SERAC1: variants seen among roughly 807,000 people sequenced by gnomAD.
SERAC1 encodes serine active site containing 1.
In SERAC1, 36 loss-of-function variants were observed where a neutral mutation model predicts 85.7. The ratio of observed to expected loss-of-function variants is 0.42; its 90% CI spans 0.32 to 0.55. The LOEUF is 0.55. Among genes scored for constraint, SERAC1 ranks in the 20% least tolerant of loss-of-function variants. The probability of loss-of-function intolerance (pLI) is 0.11; values close to 1 mark genes in which losing one functional copy is unlikely to be tolerated. For synonymous variants in SERAC1, 242 were observed against 265.3 expected (o/e 0.91, Z 0.85); for missense variants, 629 against 796.2 (o/e 0.79, Z 2.53).
At chr6:158,154,222 A>G (rs964851007) in intron 3 of SERAC1, among the ~76,000 whole-genome samples, 1 of 151,896 alleles carries the variant, frequency 6.6e-6, no homozygotes, top group African/African-American at 2.4e-5. Flanking sequence ...ACAGCCAACA[A>G]AAGGGGTAAA....
chr6:158,138,062 ACACATATG>A (rs1784835055), intron 8 of SERAC1, among the ~76,000 whole-genome samples: 1 of 152,130 alleles, frequency 6.6e-6, no homozygotes, highest in Non-Finnish European at 1.5e-5. Context: ...GAACACACAC[ACACATATG>A]CACAAGGCCA....
intron 3 of SERAC1, among the ~76,000 whole-genome samples, chr6:158,153,956 C>A (rs184525483): frequency 6.6e-6 from 1 of 151,792 alleles, no homozygotes; most frequent in Admixed American, 6.6e-5. Flanking sequence ...CATGGCAAGA[C>A]CCCGTCTCTA....
chr6:158,117,892 A>G lies in SERAC1; in HGVS notation c.1309-71T>C, dbSNP rs1784330300. On this transcript the variant is annotated intron_variant, in intron 12 of 16. Transcript: ENST00000647468. The surrounding 1 kb of genome is among the most constrained non-coding windows in gnomAD (Gnocchi z 4.3). Reference sequence around the variant, plus strand: ...ACTGCAATTACTGCCTAGTAAATCAAATTTATAACTAAAGGCCTCTTGCAC... The same window carrying G: ...ACTGCAATTACTGCCTAGTAAATCAGATTTATAACTAAAGGCCTCTTGCAC... The G allele has an allele frequency of 1.2e-5, 14 of 1,199,998 alleles. No homozygotes were observed. Among genetic ancestry groups the G allele is most frequent in the Non-Finnish European group, 1.6e-5 (13 of 818,180 alleles). 74.3% of individuals were successfully genotyped at this position (1,199,998 alleles called of 1,614,324 possible). A position where few individuals can be genotyped will look rare whatever the true frequency, so the allele number is the denominator to read the frequency against.
chr6:158,136,780 C>T (rs1784803940), intron 8 of SERAC1, among the ~76,000 whole-genome samples: 2 of 152,156 alleles, frequency 1.3e-5, no homozygotes, highest in African/African-American at 4.8e-5. Context: ...ACTCTCTCCA[C>T]CCACCATGTC....
chr6:158,115,954 A>G (rs1016828423), intron 14 of SERAC1, among the ~76,000 whole-genome samples: 4 of 152,248 alleles, frequency 2.6e-5, no homozygotes, highest in African/African-American at 9.6e-5. Context: ...TGTCAAACCC[A>G]TATCCCTCTT....
At chr6:158,121,159 C>CTT (rs1053511119) in intron 10 of SERAC1, among the ~76,000 whole-genome samples, 1 of 151,746 alleles carries the variant, frequency 6.6e-6, no homozygotes, top group East Asian at 1.9e-4. Flanking sequence ...GTTTTTAAAA[C>CTT]TTTATATACA....
chr6:158,141,508 T>C (rs1784914604), intron 8 of SERAC1, among the ~76,000 whole-genome samples: 2 of 152,358 alleles, frequency 1.3e-5, no homozygotes, highest in Admixed American at 1.3e-4. Context: ...AAGGTAATTG[T>C]TCTGCTCCGT....
Position 158,117,437 on chromosome 6 carries a change from C to A in SERAC1, c.1403+290G>T. 1 of 1,362,478 alleles carries A rather than the reference C, an allele frequency of 7.3e-7. No individual in the cohort carries two copies. The highest frequency in any genetic ancestry group is 1.0e-6 in the Non-Finnish European group (1 of 1,001,010). The allele number at this position is 1,362,478 out of a possible 1,614,324, so 84.4% of individuals were successfully genotyped here. A position where few individuals can be genotyped will look rare whatever the true frequency, so the allele number is the denominator to read the frequency against. ...GAACAAAAAAACATCACTTTTACTT[C>A]TGATAGAAAAGGAGACTGCTAGACA... On this transcript the variant is annotated intron_variant, in intron 13 of 16. Transcript: ENST00000647468. The surrounding 1 kb of genome is among the most constrained non-coding windows in gnomAD (Gnocchi z 4.3).
At chr6:158,150,634 T>C (rs774596930) in intron 3 of SERAC1, 45 bp from the exon 4 acceptor site, 1 of 1,343,536 alleles carries the variant, frequency 7.4e-7, no homozygotes, top group African/African-American at 1.5e-5. Context: ...ACAATCAAAA[T>C]GTAACACAAG....
intron 10 of SERAC1, among the ~76,000 whole-genome samples, chr6:158,125,511 C>T (rs939209243): frequency 4.6e-5 from 7 of 151,982 alleles, no homozygotes; most frequent in Admixed American, 2.0e-4. Context: ...ATTACCCAGC[C>T]TCCAACATAC....
Position 158,120,410 on chromosome 6 carries a change from C to T in SERAC1, c.1166+15G>A. 6.2e-7 allele frequency: 1 copy of T among 1,606,328 alleles called. No homozygotes were observed. Among genetic ancestry groups the T allele is most frequent in the Non-Finnish European group, 8.5e-7 (1 of 1,175,166 alleles). ...TTTCCAAAGGGGACAAAGCAACTCTCTTCTGCTTCCTTACCTTGTTCGATA... is the reference window on the plus strand; with the variant it reads ...TTTCCAAAGGGGACAAAGCAACTCTTTTCTGCTTCCTTACCTTGTTCGATA... On this transcript the variant is annotated intron_variant, in intron 11 of 16. Coordinates refer to ENST00000647468, the MANE Select transcript of SERAC1 (RefSeq NM_032861.4). The surrounding 1 kb of genome is among the most constrained non-coding windows in gnomAD (Gnocchi z 4.4).
At position 158,111,423 on chromosome 6, in the gene SERAC1, C is replaced by T. The variant is rs1784141792; in HGVS notation, c.1908G>A (p.Leu636=). ...GAATGAATTGTAAAGTACGCTGGTA[C>T]AAAAAAGCATCCTTTTTCTTTGGCT... ...ICKPKKKDAF[L]YQRTLQFIRE... is the part of the protein sequence containing the mutation. The change falls in exon 17 of 17, where the codon TTG becomes TTA. Residue 636 remains leucine, a synonymous_variant. Transcript: ENST00000647468. 1 of 1,610,878 alleles carries T rather than the reference C, an allele frequency of 6.2e-7. No homozygotes were observed. The highest frequency in any genetic ancestry group is 1.3e-5 in the African/African-American group (1 of 74,830).
intron 10 of SERAC1, among the ~76,000 whole-genome samples, chr6:158,121,280 T>TA (rs1266795494): frequency 6.6e-6 from 1 of 152,144 alleles, no homozygotes; most frequent in African/African-American, 2.4e-5. Flanking sequence ...GAGGGCTCTG[T>TA]AAAAAACGTA....
Position 158,128,312 on chromosome 6 carries a change from A to G in SERAC1, c.853-42T>C, listed in dbSNP as rs1324963191. The G allele has an allele frequency of 5.0e-6, 8 of 1,601,120 alleles. No individual in the cohort carries two copies. The African/African-American group carries it at 6.7e-5, about 13-fold the overall frequency. On this transcript the variant is annotated intron_variant, in intron 9 of 16. Coordinates refer to ENST00000647468, the MANE Select transcript of SERAC1 (RefSeq NM_032861.4). ...ACAGAAGCTCCCTTGACATTGTACA[A>G]ATTCATGACGTGAGATGACACAGCC...
intron 13 of SERAC1, 156 bp from the exon 14 acceptor site, chr6:158,116,438 T>C: frequency 1.6e-6 from 1 of 613,172 alleles, no homozygotes. Flanking sequence ...TAATATAAAA[T>C]ACCCCTATTC....
At chr6:158,158,545 T>A (rs1358568046) in intron 1 of SERAC1, 181 bp from the exon 2 acceptor site, 3 of 495,968 alleles carry the variant, frequency 6.0e-6, no homozygotes. Context: ...AAGGGACTTA[T>A]TAGAATAATA....
chr6:158,154,976 C>T (rs960256434), intron 3 of SERAC1, among the ~76,000 whole-genome samples: 4 of 151,840 alleles, frequency 2.6e-5, no homozygotes, highest in African/African-American at 7.3e-5. Context: ...TGAGTGAGTG[C>T]CCAATTTAAG....
chr6:158,114,295 C>CAAAG (rs917970202), intron 15 of SERAC1, among the ~76,000 whole-genome samples: 1 of 152,042 alleles, frequency 6.6e-6, no homozygotes, highest in Non-Finnish European at 1.5e-5. Flanking sequence ...TAAAGTAGAA[C>CAAAG]AAAGAGAAAA....
intron 10 of SERAC1, among the ~76,000 whole-genome samples, chr6:158,124,317 A>G (rs1009700119): frequency 6.6e-6 from 1 of 152,202 alleles, no homozygotes; most frequent in African/African-American, 2.4e-5. Flanking sequence ...AACCTGCAGG[A>G]CAGAAAAAAG....
Sources: allele counts gnomAD v4.1 joint callset (sites outside exome capture counted in the v4.1 genomes callset), GRCh38; gene constraint gnomAD v4.1.1; non-coding constraint Gnocchi (gnomAD v3.1); transcripts MANE v1.5; gene names NCBI Gene and HGNC (gene_info 2026-07-23, HGNC 2026-07-21).